Variants in NRXN1 observed in about 807,000 individuals in gnomAD.
The protein encoded by NRXN1 is neurexin-1.
NRXN1 carries 39 observed loss-of-function variants against 150.9 expected under a neutral mutation model. The observed-to-expected ratio is 0.26, with a 90% CI of 0.20 to 0.34. The LOEUF (loss-of-function observed/expected upper bound fraction) is 0.34, where lower values mean the gene tolerates loss of function less well. Among genes scored for constraint, NRXN1 ranks in the 10% least tolerant of loss-of-function variants. The pLI is 1.00. For synonymous variants in NRXN1, 924 were observed against 757.0 expected (o/e 1.22, Z -3.62); for missense variants, 1,815 against 1,949.9 (o/e 0.93, Z 1.30).
intron 16 of NRXN1, among the ~76,000 whole-genome samples, chr2:50,471,583 T>C (rs1164938153): frequency 6.6e-6 from 1 of 151,870 alleles, no homozygotes; most frequent in Non-Finnish European, 1.5e-5. Flanking sequence ...CAGATGTCTT[T>C]CTGACATAGT....
At chr2:50,779,730 T>C (rs1704106438) in intron 5 of NRXN1, among the ~76,000 whole-genome samples, 1 of 151,888 alleles carries the variant, frequency 6.6e-6, no homozygotes, top group Admixed American at 6.6e-5. Flanking sequence ...ATCGCGCCAC[T>C]GCACTCCAGC....
chr2:50,870,745 C>T (rs978005675), intron 5 of NRXN1, among the ~76,000 whole-genome samples: 1 of 151,766 alleles, frequency 6.6e-6, no homozygotes, highest in African/African-American at 2.4e-5. Context: ...CCTCACCACC[C>T]TTTCAATTTT....
chr2:50,657,786 A>T (rs1237150088), intron 5 of NRXN1, among the ~76,000 whole-genome samples: 1 of 152,050 alleles, frequency 6.6e-6, no homozygotes, highest in Non-Finnish European at 1.5e-5. Context: ...TCACAAGGAT[A>T]ATCTGTTGAC....
intron 4 of NRXN1, among the ~76,000 whole-genome samples, chr2:50,922,363 C>T (rs1032375105): frequency 2.0e-5 from 3 of 151,812 alleles, no homozygotes; most frequent in Non-Finnish European, 4.4e-5. Context: ...CCACCCTTTA[C>T]TGCATATGCT....
chr2:50,362,570 A>G (rs1230475582), intron 17 of NRXN1, among the ~76,000 whole-genome samples: 1 of 152,160 alleles, frequency 6.6e-6, no homozygotes, highest in Non-Finnish European at 1.5e-5. Flanking sequence ...AGAACTACAA[A>G]CCAATGCTCA....
chr2:50,371,303 C>A (rs958905787), intron 17 of NRXN1, among the ~76,000 whole-genome samples: 5 of 151,982 alleles, frequency 3.3e-5, no homozygotes, highest in African/African-American at 1.2e-4. Context: ...GTTGCTTACA[C>A]CCAAAGCAAC....
intron 9 of NRXN1, among the ~76,000 whole-genome samples, chr2:50,540,595 G>T (rs2093366230): frequency 6.6e-6 from 1 of 151,864 alleles, no homozygotes; most frequent in South Asian, 2.1e-4. Flanking sequence ...AGGAAAGGTG[G>T]ACACTTTAAA....
intron 17 of NRXN1, among the ~76,000 whole-genome samples, chr2:50,299,409 A>C (rs2073946046): frequency 2.2e-5 from 3 of 137,904 alleles, no homozygotes; most frequent in African/African-American, 7.8e-5. Context: ...GTCATTGTCC[A>C]ATTTTTTTTT....
chr2:50,102,641 A>T (rs1371977262), intron 18 of NRXN1, among the ~76,000 whole-genome samples: 1 of 152,056 alleles, frequency 6.6e-6, no homozygotes, highest in Non-Finnish European at 1.5e-5. Flanking sequence ...CAAGAAGGCA[A>T]AGAGTAAGGA....
chr2:50,250,822 T>C (rs1311263104), intron 17 of NRXN1, among the ~76,000 whole-genome samples: 2 of 151,778 alleles, frequency 1.3e-5, no homozygotes, highest in Non-Finnish European at 2.9e-5. Flanking sequence ...CCGGGATACA[T>C]GTGCAGTACG....
intron 5 of NRXN1, among the ~76,000 whole-genome samples, chr2:50,904,304 C>T (rs1683359013): frequency 6.6e-6 from 1 of 152,152 alleles, no homozygotes; most frequent in African/African-American, 2.4e-5. Flanking sequence ...TGGTAGCTTT[C>T]ACCCTAGGCT....
intron 17 of NRXN1, among the ~76,000 whole-genome samples, chr2:50,278,283 A>AC (rs2070891338): frequency 1.1e-5 from 1 of 88,008 alleles, no homozygotes; most frequent in Non-Finnish European, 2.2e-5. Flanking sequence ...TATTATATAT[A>AC]TAATACATAT....
chr2:50,181,575 A>G (rs1322676801), intron 18 of NRXN1, among the ~76,000 whole-genome samples: 1 of 152,022 alleles, frequency 6.6e-6, no homozygotes, highest in African/African-American at 2.4e-5. Context: ...TGCCTTTCCA[A>G]TAGGGGAAAA....
intron 17 of NRXN1, among the ~76,000 whole-genome samples, chr2:50,449,995 C>T (rs918121022): frequency 2.4e-4 from 36 of 152,146 alleles, no homozygotes; most frequent in African/African-American, 8.7e-4. Flanking sequence ...AGTCAGAATG[C>T]AATTCTGGAT....
At chr2:50,082,579 C>G (rs1698128542) in intron 19 of NRXN1, among the ~76,000 whole-genome samples, 1 of 152,044 alleles carries the variant, frequency 6.6e-6, no homozygotes. Context: ...AATCTGAGAA[C>G]TTTTAAAAGT....
At chr2:50,265,493 T>C (rs903684973) in intron 17 of NRXN1, among the ~76,000 whole-genome samples, 1 of 152,186 alleles carries the variant, frequency 6.6e-6, no homozygotes, top group African/African-American at 2.4e-5. Context: ...GATTACATCA[T>C]GACACTATAA....
chr2:50,358,844 T>C (rs1231837944), intron 17 of NRXN1, among the ~76,000 whole-genome samples: 2 of 152,194 alleles, frequency 1.3e-5, no homozygotes, highest in Non-Finnish European at 2.9e-5. Flanking sequence ...CCAGCTGGCA[T>C]CTGGCAGGTG....
Position 50,776,088 on chromosome 2 carries a change from A to G in NRXN1, c.832+145781T>C, listed in dbSNP as rs571109467. Among the ~76,000 whole-genome samples the G allele has an allele frequency of 9.1e-4, 138 of 152,244 alleles. 1 individual carries two copies. The highest frequency in any genetic ancestry group is 3.1e-3 in the African/African-American group (130 of 41,552). ...TATGAACAAATCGACTGTCATTTTG[A>G]CAGTACTGAGAACAACATATATCCC... On this transcript the variant is annotated intron_variant, in intron 5 of 22. Coordinates refer to ENST00000401669, the MANE Select transcript of NRXN1 (RefSeq NM_001330078.2).
At chr2:50,906,318 A>G (rs1168930751) in intron 5 of NRXN1, among the ~76,000 whole-genome samples, 1 of 152,092 alleles carries the variant, frequency 6.6e-6, no homozygotes, top group Non-Finnish European at 1.5e-5. Flanking sequence ...TCAGTAATCC[A>G]TACTATAAAT....
Sources: allele counts gnomAD v4.1 joint callset (sites outside exome capture counted in the v4.1 genomes callset), GRCh38; gene constraint gnomAD v4.1.1; transcripts MANE v1.5; gene names NCBI Gene and HGNC (gene_info 2026-07-23, HGNC 2026-07-21).